Variants in AHRR observed in about 807,000 individuals in gnomAD.
AHRR encodes aryl hydrocarbon receptor repressor, also known as ahR repressor.
In AHRR, 28 loss-of-function variants were observed where a neutral mutation model predicts 44.0. The ratio of observed to expected loss-of-function variants is 0.64; its 90% CI spans 0.47 to 0.87. AHRR has a LOEUF of 0.87. AHRR is among the 40% of genes least tolerant of loss of function. AHRR has a pLI of 0.00. For synonymous variants in AHRR, 434 were observed against 407.0 expected (o/e 1.07, Z -0.80); for missense variants, 990 against 953.9 (o/e 1.04, Z -0.50).
intron 2 of AHRR, among the ~76,000 whole-genome samples, chr5:345,222 T>G: frequency 5.2e-5 from 3 of 57,310 alleles, no homozygotes; most frequent in East Asian, 7.2e-4. Context: ...GTGTGTCGGA[T>G]GATGTCCCTG....
In AHRR at chr5:326,786, G is replaced by A. The variant is rs547672038; in HGVS notation, c.-11+4967G>A. ...TAAAAAAAATGATAGCTGGCCCGGC[G>A]CATGGTTCACGCCTGTAATCCCTGC... On this transcript the variant is annotated intron_variant, in intron 1 of 10. Coordinates refer to ENST00000684583, the MANE Select transcript of AHRR (RefSeq NM_001377236.1). This position sits in a 1 kb window ranked among gnomAD's most constrained non-coding sequence, Gnocchi z 4.1. Among the ~76,000 whole-genome samples, 3 of 152,124 alleles carry A rather than the reference G, an allele frequency of 2.0e-5. No individual in the cohort carries two copies. Among genetic ancestry groups the A allele is most frequent in the East Asian group, 1.9e-4 (1 of 5,174 alleles).
intron 3 of AHRR, among the ~76,000 whole-genome samples, chr5:373,983 C>T (rs1362942681): frequency 6.6e-6 from 1 of 151,792 alleles, no homozygotes; most frequent in Non-Finnish European, 1.5e-5. Flanking sequence ...AGGGGCGCGC[C>T]CCTGCCGCCG....
rs1579618229 is a variant in AHRR, at chr5:355,979, T to C, written c.244+2068T>C. Among the ~76,000 whole-genome samples, 3 of 152,258 alleles carry C rather than the reference T, an allele frequency of 2.0e-5. No individual in the cohort carries two copies. In the South Asian group the frequency reaches 6.2e-4, roughly 31 times the overall value. On this transcript the variant is annotated intron_variant, in intron 3 of 10. Transcript: ENST00000684583. ...ACGTATAATTAGAAACAAGTCAAGC[T>C]ATAAAAGTTAGATCTTAAACTATGC... is the stretch of plus-strand genomic sequence containing the variant.
chr5:413,345 C>A lies in AHRR; in HGVS notation c.353C>A (p.Ser118Tyr). The A allele has an allele frequency of 6.3e-7, 1 of 1,586,426 alleles. No homozygotes were observed. The highest frequency in any genetic ancestry group is 8.6e-7 in the Non-Finnish European group (1 of 1,169,168). Residue 118 changes from serine (S) to tyrosine (Y), a missense_variant and splice_region_variant, in exon 5 of 11, where the codon TCT becomes TAT. Physicochemically the swap from Ser to Tyr is moderately radical, Grantham distance 144 (BLOSUM62 -2). Coordinates refer to ENST00000684583, the MANE Select transcript of AHRR (RefSeq NM_001377236.1). The part of the protein sequence containing the change: ...AVLEGRLLLE[S>Y]LNGFALVVSA... ...TTTTTGTTTTGTTTTTTCTTCTAGTCTCTTAATGGCTTTGCTCTGGTCGTG... is the reference window on the plus strand; with the variant it reads ...TTTTTGTTTTGTTTTTTCTTCTAGTATCTTAATGGCTTTGCTCTGGTCGTG...
chr5:415,619 GGCCTAGGGGCCGAA>G (rs1735749315), intron 5 of AHRR, among the ~76,000 whole-genome samples: 3 of 145,336 alleles, frequency 2.1e-5, no homozygotes, highest in Non-Finnish European at 3.0e-5. Flanking sequence ...TGGGGCGGGA[GGCCTAGGGGCCGAA>G]TCTGCCTGGT....
intron 1 of AHRR, among the ~76,000 whole-genome samples, chr5:339,310 AG>A (rs1489041635): frequency 6.6e-6 from 1 of 152,024 alleles, no homozygotes; most frequent in Admixed American, 6.6e-5. Context: ...TTGTAGAGAT[AG>A]GGTCTTGCTA....
rs1735454892 is a variant in AHRR, at chr5:411,189, G to A, written c.352-2155G>A. Among the ~76,000 whole-genome samples the A allele has an allele frequency of 1.3e-5, 2 of 151,600 alleles. No homozygotes were observed. Among genetic ancestry groups the A allele is most frequent in the South Asian group, 4.2e-4 (2 of 4,792 alleles). ...TTTTTCTTTCCTTTTACTTACCTTA[G>A]ATTTAACTGACTCTTCTCTCTCCAG... On this transcript the variant is annotated intron_variant, in intron 4 of 10. Transcript: ENST00000684583. This position sits in a 1 kb window ranked among gnomAD's most constrained non-coding sequence, Gnocchi z 4.2.
chr5:399,137 GC>G (rs994382600), intron 4 of AHRR, among the ~76,000 whole-genome samples: 2 of 152,232 alleles, frequency 1.3e-5, no homozygotes, highest in Non-Finnish European at 2.9e-5. Flanking sequence ...TGGGTGTGGA[GC>G]CGCAGGTGCA....
chr5:360,638 G>A (rs750451390), intron 3 of AHRR, among the ~76,000 whole-genome samples: 2 of 152,196 alleles, frequency 1.3e-5, no homozygotes, highest in Non-Finnish European at 1.5e-5. Context: ...CCCATGAACA[G>A]AACACTGATA....
At chr5:432,991 A>G (rs1306055835) in intron 10 of AHRR, 44 bp downstream of exon 10, 3 of 1,532,600 alleles carry the variant, frequency 2.0e-6, no homozygotes, top group Admixed American at 2.2e-5. Context: ...GCAGCTCCCT[A>G]AGTCACCGTG....
intron 4 of AHRR, among the ~76,000 whole-genome samples, chr5:396,930 G>A (rs111259600): frequency 1.6e-4 from 25 of 152,038 alleles, no homozygotes; most frequent in African/African-American, 4.6e-4. Context: ...GGCCCACACC[G>A]GCCTCTCTGT....
intron 7 of AHRR, 25 bp from the exon 8 acceptor site, chr5:427,782 T>C: frequency 1.2e-6 from 2 of 1,612,894 alleles, no homozygotes; most frequent in Non-Finnish European, 1.7e-6. Context: ...TGAACACGCC[T>C]TCCTCTCTGT....
intron 10 of AHRR, among the ~76,000 whole-genome samples, chr5:433,294 C>T (rs372268577): frequency 3.3e-5 from 5 of 152,252 alleles, no homozygotes; most frequent in Admixed American, 6.5e-5. Flanking sequence ...TCTCTCCCCC[C>T]TCTCCCTCCC....
chr5:420,921 C>T (rs1358275601), intron 5 of AHRR: 1 of 341,628 alleles, frequency 2.9e-6, no homozygotes, highest in East Asian at 8.6e-5. Context: ...CATCCAGGCA[C>T]GCACACGCAG....
Position 376,487 on chromosome 5 carries a change from C to G in AHRR, c.245-123C>G. The G allele has an allele frequency of 8.6e-5, 3 of 34,934 alleles. 1 individual carries two copies. The highest frequency in any genetic ancestry group is 4.8e-4 in the South Asian group (2 of 4,156). The allele number at this position is 34,934 out of a possible 1,614,324, so 2.2% of individuals were successfully genotyped here. A position where few individuals can be genotyped will look rare whatever the true frequency, so the allele number is the denominator to read the frequency against. On this transcript the variant is annotated intron_variant, in intron 3 of 10. Coordinates refer to ENST00000684583, the MANE Select transcript of AHRR (RefSeq NM_001377236.1). ...TGGCCTGCAGAGGGGTCAGTGCAGC[C>G]CAGGCCAGATGTCAGGTGAGAACCG... is the stretch of plus-strand genomic sequence containing the variant.
chr5:336,206 G>A (rs184310962), intron 1 of AHRR, among the ~76,000 whole-genome samples: 12 of 152,314 alleles, frequency 7.9e-5, no homozygotes, highest in Admixed American at 7.2e-4. Context: ...TGATTCTCCA[G>A]TGGGAAAGTG....
intron 3 of AHRR, 45 bp from the exon 4 acceptor site, chr5:376,565 G>C: frequency 2.0e-6 from 3 of 1,516,692 alleles, no homozygotes; most frequent in Non-Finnish European, 2.7e-6. Flanking sequence ...AGAGTGGCCA[G>C]GCCAAGGGTT....
chr5:434,647 C>A lies in AHRR; in HGVS notation c.1907C>A (p.Ala636Glu). ...PQSEPPHQLC[A>E]RGRGEQSCTC... is the part of the protein sequence containing the mutation. ...TCGGAGCCTCCCCACCAGCTCTGTG[C>A]ACGGGGCCGAGGTGAACAGTCCTGC... Residue 636 changes from alanine to glutamate, a missense_variant, in exon 11 of 11, where the codon GCA becomes GAA. Physicochemically the swap from Ala to Glu is moderately radical, Grantham distance 107. Transcript: ENST00000684583. 6.4e-7 allele frequency: 1 copy of A among 1,563,482 alleles called. No individual in the cohort carries two copies. The highest frequency in any genetic ancestry group is 8.7e-7 in the Non-Finnish European group (1 of 1,153,996).
In AHRR at chr5:342,837, C is replaced by T. The variant is rs2126358381; in HGVS notation, c.-10-1056C>T. ...GGTGGGTGGCAGGCAAGCTGACCAG[C>T]CTGGGCACAGATACTGGGCTGCTCC... is the stretch of plus-strand genomic sequence containing the variant. On this transcript the variant is annotated intron_variant, in intron 1 of 10. Coordinates refer to ENST00000684583, the MANE Select transcript of AHRR (RefSeq NM_001377236.1). This position sits in a 1 kb window ranked among gnomAD's most constrained non-coding sequence, Gnocchi z 4.3. 6.6e-6 allele frequency among the ~76,000 whole-genome samples: 1 copy of T among 152,334 alleles called. No homozygotes were observed.
Sources: allele counts gnomAD v4.1 joint callset (sites outside exome capture counted in the v4.1 genomes callset), GRCh38; gene constraint gnomAD v4.1.1; non-coding constraint Gnocchi (gnomAD v3.1); transcripts MANE v1.5; gene names NCBI Gene and HGNC (gene_info 2026-07-23, HGNC 2026-07-21).